WASHC5: variants seen among roughly 807,000 people sequenced by gnomAD.
WASHC5 encodes WASH complex subunit strumpellin.
Under a neutral mutation model 150.4 loss-of-function variants are expected in WASHC5, and 101 were observed. That is an observed-to-expected ratio of 0.67 (90% CI 0.57 to 0.79). The LOEUF (loss-of-function observed/expected upper bound fraction) is 0.79. WASHC5 is among the 30% of genes least tolerant of loss of function. The probability of loss-of-function intolerance (pLI) is 0.00; values close to 1 mark genes in which losing one functional copy is unlikely to be tolerated. For missense variants in WASHC5, 1,195 were observed against 1,396.3 expected (o/e 0.86, Z 2.30); for synonymous variants, 467 against 491.2 (o/e 0.95, Z 0.65).
At chr8:125,072,330 T>C (rs1215453451) in intron 9 of WASHC5, among the ~76,000 whole-genome samples, 6 of 103,002 alleles carry the variant, frequency 5.8e-5, no homozygotes. Context: ...CTTGAGATCC[T>C]GTCTTAAAAA....
intron 26 of WASHC5, 88 bp downstream of exon 26, chr8:125,037,149 A>C: frequency 1.2e-6 from 1 of 806,524 alleles, no homozygotes; most frequent in South Asian, 1.4e-5. Context: ...CTCATATCCG[A>C]CATAGGCATT....
At chr8:125,052,840 G>A (rs925662764) in intron 17 of WASHC5, among the ~76,000 whole-genome samples, 10 of 152,026 alleles carry the variant, frequency 6.6e-5, no homozygotes, top group African/African-American at 1.9e-4. Context: ...CAATAAAATC[G>A]TCGTAAGTTG....
Position 125,088,242 on chromosome 8 carries a change from C to T in WASHC5, c.-125+3373G>A, listed in dbSNP as rs183415581. Among the ~76,000 whole-genome samples the T allele has an allele frequency of 6.2e-5, 9 of 144,024 alleles. No homozygotes were observed. The East Asian group carries it at 7.8e-4, about 12-fold the overall frequency. The allele number at this position is 144,024 out of a possible 152,430, so 94.5% of individuals were successfully genotyped here. A position where few individuals can be genotyped will look rare whatever the true frequency, so the allele number is the denominator to read the frequency against. ...ATGGATCACCTGAGGTTAGGAGAGCCGGGATCACCCCGGCTCTACTAAAAA... is the reference window on the plus strand; with the variant it reads ...ATGGATCACCTGAGGTTAGGAGAGCTGGGATCACCCCGGCTCTACTAAAAA... On this transcript the variant is annotated intron_variant, in intron 1 of 28. Coordinates refer to ENST00000318410, the MANE Select transcript of WASHC5 (RefSeq NM_014846.4).
rs574821173 is a variant in WASHC5 at position 125,063,344 on chromosome 8, G to C, written c.1408+178C>G. On this transcript the variant is annotated intron_variant, in intron 11 of 28. Transcript: ENST00000318410. The stretch of plus-strand genomic sequence containing the variant: ...ATGAATATGAACATTGCCCAAGAGA[G>C]CAGAGAGCTAGACGCAGCCAAAACT... 5.3e-5 allele frequency among the ~76,000 whole-genome samples: 8 copies of C among 152,300 alleles called. No homozygotes were observed. The South Asian group carries it at 1.7e-3, about 32-fold the overall frequency.
At chr8:125,090,309 C>G (rs1049562225) in intron 1 of WASHC5, among the ~76,000 whole-genome samples, 2 of 152,208 alleles carry the variant, frequency 1.3e-5, no homozygotes, top group Non-Finnish European at 2.9e-5. Flanking sequence ...AATGCCTAAT[C>G]AAGTTGCAGC....
In WASHC5 at chr8:125,037,297, T is replaced by C. The variant is rs1184928685; in HGVS notation, c.3121A>G (p.Ile1041Val). The stretch of plus-strand genomic sequence containing the variant: ...GCGATCAAAAATAGAAAGTTTACAA[T>C]TGGAAAATAGGGTAAGCGCTTTGTT... ...ITTKRLPYFP[I>V]VNFLFLIAQL... The change falls in exon 26 of 29, where the codon ATT (isoleucine) becomes GTT (valine). Residue 1041 changes from isoleucine to valine, a missense_variant. By Grantham distance (29) the Ile-to-Val change is conservative (BLOSUM62 3). Coordinates refer to ENST00000318410, the MANE Select transcript of WASHC5 (RefSeq NM_014846.4). 7 of 1,612,288 alleles carry C rather than the reference T, an allele frequency of 4.3e-6. No homozygotes were observed. The highest frequency in any genetic ancestry group is 1.3e-5 in the African/African-American group (1 of 74,888).
intron 19 of WASHC5, among the ~76,000 whole-genome samples, chr8:125,048,296 G>C (rs1273128159): frequency 6.6e-6 from 1 of 152,148 alleles, no homozygotes; most frequent in Non-Finnish European, 1.5e-5. Context: ...CTTGCAGAGT[G>C]GCTCCTTGTT....
chr8:125,081,904 G>A, intron 4 of WASHC5, 143 bp from the exon 5 acceptor site: 1 of 687,368 alleles, frequency 1.5e-6, no homozygotes, highest in Non-Finnish European at 2.6e-6. Flanking sequence ...TTCCTCCAAG[G>A]AGCTCTTACC....
At chr8:125,062,351 A>C (rs1816620869) in intron 11 of WASHC5, among the ~76,000 whole-genome samples, 1 of 152,248 alleles carries the variant, frequency 6.6e-6, no homozygotes. Flanking sequence ...TAAACTATAC[A>C]GCTGGAAAAA....
intron 27 of WASHC5, among the ~76,000 whole-genome samples, chr8:125,029,004 G>A (rs967552608): frequency 6.6e-6 from 1 of 150,736 alleles, no homozygotes; most frequent in African/African-American, 2.4e-5. Flanking sequence ...TACCTAGCAG[G>A]TCCCATACTT....
At position 125,057,646 on chromosome 8, in the gene WASHC5, C is replaced by G; in HGVS notation, c.1785G>C (p.Leu595=). The change falls in exon 15 of 29, where the codon CTG becomes CTC. Residue 595 remains leucine (L), a synonymous_variant. Transcript: ENST00000318410. The part of the protein sequence containing the change: ...TFLKLASALD[L]PLLRINQANS... ...TTGCCTGATTAATACGAAGAAGGGG[C>G]AGATCGAGGGCAGAGGCAAGCTGGA... 2 of 1,613,150 alleles carry G rather than the reference C, an allele frequency of 1.2e-6. No homozygotes were observed. Among genetic ancestry groups the G allele is most frequent in the Non-Finnish European group, 1.7e-6 (2 of 1,179,310 alleles).
At chr8:125,078,975 A>G (rs1341267761) in intron 5 of WASHC5, 45 bp from the exon 6 acceptor site, 2 of 1,517,814 alleles carry the variant, frequency 1.3e-6, no homozygotes, top group Non-Finnish European at 1.8e-6. Flanking sequence ...AAACACACAT[A>G]TTAGAAACTG....
chr8:125,048,871 TG>T, intron 19 of WASHC5, 134 bp downstream of exon 19: 1 of 709,172 alleles, frequency 1.4e-6, no homozygotes, highest in Non-Finnish European at 2.3e-6. Context: ...GCAACCCTCC[TG>T]GCTCCTGAAA....
At chr8:125,027,171 C>T (rs1815399194) in intron 28 of WASHC5, among the ~76,000 whole-genome samples, 1 of 152,096 alleles carries the variant, frequency 6.6e-6, no homozygotes. Context: ...TATTCTGTAG[C>T]CAGCTTGTTT....
intron 9 of WASHC5, among the ~76,000 whole-genome samples, chr8:125,070,039 C>T (rs1325429515): frequency 6.6e-6 from 1 of 152,206 alleles, no homozygotes; most frequent in Non-Finnish European, 1.5e-5. Context: ...CCATCTCTCT[C>T]AGATCTGACC....
At position 125,063,101 on chromosome 8, in the gene WASHC5, T is replaced by C. The variant is rs187576827; in HGVS notation, c.1408+421A>G. 7.2e-5 allele frequency among the ~76,000 whole-genome samples: 11 copies of C among 152,262 alleles called. No homozygotes were observed. The East Asian group carries it at 1.9e-3, about 27-fold the overall frequency. On this transcript the variant is annotated intron_variant, in intron 11 of 28. Transcript: ENST00000318410. The stretch of plus-strand genomic sequence containing the variant: ...TCATCTATGCTGGTAGATTATGACA[T>C]TCTTGGGTGACGTATTCTTCTTGAG...
At chr8:125,036,002 C>T (rs1204645312) in intron 26 of WASHC5, among the ~76,000 whole-genome samples, 1 of 152,132 alleles carries the variant, frequency 6.6e-6, no homozygotes, top group African/African-American at 2.4e-5. Flanking sequence ...TATGTAACTA[C>T]AAAAATATTC....
Position 125,073,148 on chromosome 8 carries a change from AT to A in WASHC5, c.1150+4del. 6.2e-7 allele frequency: 1 copy of A among 1,614,048 alleles called. No homozygotes were observed. Among genetic ancestry groups the A allele is most frequent in the Non-Finnish European group, 8.5e-7 (1 of 1,179,924 alleles). ...ATATAAACGGCCACCCCTTTTGTGCATTACCTGAGTCTGCTGTATGAAGCAT... is the reference window on the plus strand; with the variant it reads ...ATATAAACGGCCACCCCTTTTGTGCATACCTGAGTCTGCTGTATGAAGCAT... On this transcript the variant is annotated splice_donor_region_variant and intron_variant, in intron 9 of 28. Coordinates refer to ENST00000318410, the MANE Select transcript of WASHC5 (RefSeq NM_014846.4).
chr8:125,035,941 C>A (rs2129977608), intron 26 of WASHC5, among the ~76,000 whole-genome samples: 1 of 152,268 alleles, frequency 6.6e-6, no homozygotes, highest in South Asian at 2.1e-4. Flanking sequence ...TTAAAAATGT[C>A]ATTTAGCTGG....
Sources: gnomAD v4.1 joint callset for allele counts (sites outside exome capture counted in the v4.1 genomes callset) on GRCh38, gnomAD v4.1.1 for gene constraint, MANE v1.5 for transcripts, NCBI Gene and HGNC (gene_info 2026-07-23, HGNC 2026-07-21) for gene names.